Variants in SHC4 observed in about 807,000 individuals in gnomAD.
The protein encoded by SHC4 is SHC-transforming protein 4.
Under a neutral mutation model 69.4 loss-of-function variants are expected in SHC4, and 41 were observed. The ratio of observed to expected loss-of-function variants is 0.59; its 90% CI spans 0.46 to 0.77. The LOEUF (loss-of-function observed/expected upper bound fraction) is 0.77. SHC4 is among the 30% of genes least tolerant of loss of function. The probability of loss-of-function intolerance (pLI) is 0.00; values close to 1 mark genes in which losing one functional copy is unlikely to be tolerated. For synonymous variants in SHC4, 318 were observed against 299.3 expected, an observed-to-expected ratio of 1.06 and a Z score of -0.64; for missense variants, 777 against 783.8, an observed-to-expected ratio of 0.99 and a Z score of 0.10.
At chr15:48,877,967 A>C in intron 4 of SHC4, 1 of 525,304 alleles carries the variant, frequency 1.9e-6, no homozygotes, top group Non-Finnish European at 3.2e-6. Context: ...AATCGATGGA[A>C]ACGTAGCTCA....
chr15:48,959,359 C>A (rs1443969274), intron 1 of SHC4, among the ~76,000 whole-genome samples: 1 of 152,144 alleles, frequency 6.6e-6, no homozygotes, highest in Non-Finnish European at 1.5e-5. Flanking sequence ...TGATTCAGAC[C>A]TGGTCTCTTT....
intron 9 of SHC4, among the ~76,000 whole-genome samples, chr15:48,850,260 G>A (rs1225067180): frequency 6.6e-6 from 1 of 150,846 alleles, no homozygotes; most frequent in Non-Finnish European, 1.5e-5. Flanking sequence ...AAAATAAAAT[G>A]TTGCCTTAGG....
At chr15:48,912,718 G>T (rs918975018) in intron 2 of SHC4, among the ~76,000 whole-genome samples, 1 of 152,198 alleles carries the variant, frequency 6.6e-6, no homozygotes, top group Non-Finnish European at 1.5e-5. Flanking sequence ...ATTTGGGTAG[G>T]CTCCGTCAGA....
At chr15:48,827,802 A>T (rs1482526436) in intron 11 of SHC4, among the ~76,000 whole-genome samples, 1 of 152,128 alleles carries the variant, frequency 6.6e-6, no homozygotes, top group African/African-American at 2.4e-5. Context: ...GAGTTCCTAT[A>T]AAACTCTGGT....
chr15:48,960,810 C>A (rs956797180), intron 1 of SHC4, among the ~76,000 whole-genome samples: 4 of 152,030 alleles, frequency 2.6e-5, no homozygotes, highest in Non-Finnish European at 5.9e-5. Flanking sequence ...AAAATGAGTC[C>A]ATTTCCTAAT....
rs1437222475 is a variant in SHC4 at position 48,962,831 on chromosome 15, G to A, written c.185C>T (p.Ala62Val). The change falls in exon 1 of 12, where the codon GCC becomes GTC. Residue 62 changes from alanine to valine, a missense_variant. By Grantham distance (64) the Ala-to-Val change is moderately conservative. Coordinates refer to ENST00000332408, the MANE Select transcript of SHC4 (RefSeq NM_203349.4). The stretch of plus-strand genomic sequence containing the variant: ...TTCAGTCGGCAGGTGAGGTGCCAGG[G>A]CGGGGTGGGGAGGCTGCGGCGAGCC... Reference protein sequence around the residue: ...NKGSPQPPHPALAPHLPTEDA... With the variant: ...NKGSPQPPHPVLAPHLPTEDA... The A allele has an allele frequency of 1.9e-6, 3 of 1,612,646 alleles. No homozygotes were observed. The East Asian group carries it at 6.7e-5, about 36-fold the overall frequency.
chr15:48,934,130 G>A (rs927540640), intron 1 of SHC4, among the ~76,000 whole-genome samples: 1 of 151,836 alleles, frequency 6.6e-6, no homozygotes, highest in Admixed American at 6.6e-5. Flanking sequence ...ATGACACTAA[G>A]AAGAAAGTGA....
intron 2 of SHC4, among the ~76,000 whole-genome samples, chr15:48,915,155 C>T (rs1900595109): frequency 1.3e-5 from 2 of 152,136 alleles, no homozygotes; most frequent in African/African-American, 2.4e-5. Flanking sequence ...TTTCCCATTC[C>T]GTCGGTTGCC....
rs1184493472 is a variant in SHC4 at position 48,825,710 on chromosome 15, T to C, written c.*261A>G. ...CTTTTAGCTTGTTATCAATGCAATA[T>C]GGCCTTAAAAAGTGACATCCGTGCA... On this transcript the variant is annotated 3_prime_UTR_variant, in exon 12 of 12. Coordinates refer to ENST00000332408, the MANE Select transcript of SHC4 (RefSeq NM_203349.4). 2 of 341,676 alleles carry C rather than the reference T, an allele frequency of 5.9e-6. No individual in the cohort carries two copies. Among genetic ancestry groups the C allele is most frequent in the South Asian group, 6.3e-5 (1 of 15,766 alleles). 21.2% of individuals were successfully genotyped at this position (341,676 alleles called of 1,614,324 possible).
At chr15:48,883,270 G>A (rs1899976839) in intron 4 of SHC4, among the ~76,000 whole-genome samples, 1 of 151,982 alleles carries the variant, frequency 6.6e-6, no homozygotes, top group South Asian at 2.1e-4. Flanking sequence ...AGCCCTATGA[G>A]ACACTTAAAA....
chr15:48,939,416 G>A (rs1266829599), intron 1 of SHC4, among the ~76,000 whole-genome samples: 2 of 152,186 alleles, frequency 1.3e-5, no homozygotes, highest in Non-Finnish European at 2.9e-5. Flanking sequence ...AAAAATAAGG[G>A]GTGGTCCAAA....
intron 1 of SHC4, among the ~76,000 whole-genome samples, chr15:48,926,814 G>A (rs1433623070): frequency 6.6e-6 from 1 of 152,108 alleles, no homozygotes; most frequent in Non-Finnish European, 1.5e-5. Context: ...TTGATGCACC[G>A]AGTGCTGCCT....
chr15:48,934,448 A>G (rs922047019), intron 1 of SHC4, among the ~76,000 whole-genome samples: 8 of 152,280 alleles, frequency 5.3e-5, no homozygotes, highest in African/African-American at 1.9e-4. Flanking sequence ...CTGAAAATAA[A>G]TGTTGGTGAA....
At chr15:48,831,934 C>T (rs1375598028) in intron 11 of SHC4, among the ~76,000 whole-genome samples, 1 of 152,168 alleles carries the variant, frequency 6.6e-6, no homozygotes, top group Non-Finnish European at 1.5e-5. Flanking sequence ...AACTCCTCAT[C>T]TTTTGTTTAT....
At chr15:48,828,111 GTGTGTA>G (rs767658372) in intron 11 of SHC4, among the ~76,000 whole-genome samples, 95 of 52,260 alleles carry the variant, frequency 1.8e-3, no homozygotes, top group South Asian at 9.2e-3. Context: ...GTGTGTGTGT[GTGTGTA>G]TATATATATA....
At chr15:48,880,908 C>T (rs1899926955) in intron 4 of SHC4, among the ~76,000 whole-genome samples, 2 of 150,196 alleles carry the variant, frequency 1.3e-5, no homozygotes, top group Non-Finnish European at 2.9e-5. Flanking sequence ...ATCTCTCTGG[C>T]TCATGTCCTA....
intron 2 of SHC4, among the ~76,000 whole-genome samples, chr15:48,910,390 T>C (rs1413353037): frequency 1.8e-4 from 28 of 152,162 alleles, no homozygotes; most frequent in Non-Finnish European, 5.9e-5. Context: ...TGTATTTCAG[T>C]GGTGTCAGCT....
intron 1 of SHC4, among the ~76,000 whole-genome samples, chr15:48,949,762 A>T (rs1415112256): frequency 6.7e-6 from 1 of 148,756 alleles, no homozygotes; most frequent in Admixed American, 6.8e-5. Flanking sequence ...ACAATACCTT[A>T]AAAAAATTAT....
chr15:48,907,308 G>A (rs1407884839), intron 2 of SHC4, among the ~76,000 whole-genome samples: 3 of 150,324 alleles, frequency 2.0e-5, no homozygotes, highest in Admixed American at 2.0e-4. Flanking sequence ...CACTGCAACC[G>A]CTGCCTCCTG....
Sources: gnomAD v4.1 joint callset for allele counts (sites outside exome capture counted in the v4.1 genomes callset) on GRCh38, gnomAD v4.1.1 for gene constraint, MANE v1.5 for transcripts, NCBI Gene and HGNC (gene_info 2026-07-23, HGNC 2026-07-21) for gene names.